Variants in ADARB1 observed in about 807,000 individuals in gnomAD.
ADARB1 encodes adenosine deaminase RNA specific B1.
Under a neutral mutation model 52.4 loss-of-function variants are expected in ADARB1, and 10 were observed. The ratio of observed to expected loss-of-function variants is 0.19; its 90% CI spans 0.12 to 0.32. The LOEUF is 0.32. Among genes scored for constraint, ADARB1 ranks in the 10% least tolerant of loss-of-function variants. The pLI is 1.00. For missense variants in ADARB1, 643 were observed against 922.3 expected (o/e 0.70, Z 3.92); for synonymous variants, 349 against 371.1 (o/e 0.94, Z 0.68).
rs1358590525 is a variant in ADARB1 at position 45,200,173 on chromosome 21, C to T, written c.1566-4382C>T. Among the ~76,000 whole-genome samples, 1 of 152,136 alleles carries T rather than the reference C, an allele frequency of 6.6e-6. No individual in the cohort carries two copies. On this transcript the variant is annotated intron_variant, in intron 8 of 10. Coordinates refer to ENST00000348831, the MANE Select transcript of ADARB1 (RefSeq NM_001112.4). This position sits in a 1 kb window ranked among gnomAD's most constrained non-coding sequence, Gnocchi z 5.0. ...GGCTGGGTGAGGCTGAACTGTTCCCCTTACACAGGACACAGTGACAGGCAG... is the reference window on the plus strand; with the variant it reads ...GGCTGGGTGAGGCTGAACTGTTCCCTTTACACAGGACACAGTGACAGGCAG...
intron 1 of ADARB1, among the ~76,000 whole-genome samples, chr21:45,080,232 A>T (rs1032838085): frequency 6.6e-6 from 1 of 152,136 alleles, no homozygotes; most frequent in Non-Finnish European, 1.5e-5. Flanking sequence ...TGGTGGCTGG[A>T]GGGGACATGG....
intron 5 of ADARB1, 65 bp downstream of exon 5, chr21:45,180,509 C>T: frequency 1.5e-6 from 2 of 1,359,196 alleles, no homozygotes; most frequent in South Asian, 1.2e-5. Context: ...GAAATGTTCT[C>T]AATCGACAAA....
chr21:45,193,766 G>A (rs542588017), intron 8 of ADARB1, among the ~76,000 whole-genome samples: 1 of 152,328 alleles, frequency 6.6e-6, no homozygotes, highest in Non-Finnish European at 1.5e-5. Flanking sequence ...AAATTGAAAT[G>A]TGTAAAGCAA....
intron 9 of ADARB1, among the ~76,000 whole-genome samples, chr21:45,218,723 C>G (rs968712040): frequency 6.6e-6 from 1 of 152,150 alleles, no homozygotes; most frequent in Non-Finnish European, 1.5e-5. Context: ...GATAAATGGT[C>G]ATTGAAAGCA....
In ADARB1 at chr21:45,172,970, C is replaced by T. The variant is rs2091547442; in HGVS notation, c.28+1286C>T. On this transcript the variant is annotated intron_variant, in intron 3 of 10. Transcript: ENST00000348831. This position sits in a 1 kb window ranked among gnomAD's most constrained non-coding sequence, Gnocchi z 4.4. Reference sequence around the variant, plus strand: ...TAAGAGAGAGGTTACGTCCATACTCCTCATTTGAGAAAATGTGACCTGTGC... The same window carrying T: ...TAAGAGAGAGGTTACGTCCATACTCTTCATTTGAGAAAATGTGACCTGTGC... 6.6e-6 allele frequency among the ~76,000 whole-genome samples: 1 copy of T among 152,220 alleles called. No homozygotes were observed. The highest frequency in any genetic ancestry group is 2.4e-5 in the African/African-American group (1 of 41,456).
At chr21:45,122,833 G>A (rs1347882950) in intron 1 of ADARB1, among the ~76,000 whole-genome samples, 1 of 152,188 alleles carries the variant, frequency 6.6e-6, no homozygotes, top group Non-Finnish European at 1.5e-5. Flanking sequence ...AGTCTCCTCA[G>A]TCTCTCTTTT....
In ADARB1 at chr21:45,182,532, G is replaced by A. The variant is rs1202933331; in HGVS notation, c.1079-53G>A. On this transcript the variant is annotated intron_variant, in intron 5 of 10. Coordinates refer to ENST00000348831, the MANE Select transcript of ADARB1 (RefSeq NM_001112.4). ...GAGTCAGACTTCAGGAGCACAGTTAGGCAAACATTACTGTGAATTACAGAA... is the reference window on the plus strand; with the variant it reads ...GAGTCAGACTTCAGGAGCACAGTTAAGCAAACATTACTGTGAATTACAGAA... 1.9e-6 allele frequency: 3 copies of A among 1,552,134 alleles called. No homozygotes were observed. The African/African-American group carries it at 4.2e-5, about 22-fold the overall frequency.
chr21:45,140,828 TAATA>T (rs2089682671), intron 2 of ADARB1, among the ~76,000 whole-genome samples: 1 of 152,156 alleles, frequency 6.6e-6, no homozygotes, highest in African/African-American at 2.4e-5. Flanking sequence ...AAATTTGATA[TAATA>T]AATTAAGTCT....
At chr21:45,192,810 G>T (rs1233396604) in intron 8 of ADARB1, among the ~76,000 whole-genome samples, 1 of 152,130 alleles carries the variant, frequency 6.6e-6, no homozygotes, top group Non-Finnish European at 1.5e-5. Context: ...TATAAACAAG[G>T]CTATGCCAAT....
rs369006379 is a variant in ADARB1, at chr21:45,131,636, C to T, written c.-48+3063C>T. Among the ~76,000 whole-genome samples the T allele has an allele frequency of 1.4e-4, 22 of 152,358 alleles. No homozygotes were observed. The South Asian group carries it at 2.1e-3, about 14-fold the overall frequency. On this transcript the variant is annotated intron_variant, in intron 2 of 10. Coordinates refer to ENST00000348831, the MANE Select transcript of ADARB1 (RefSeq NM_001112.4). ...CATCGCTGCCGCCTCCTGCTCTGTGCACAGTGTGGTGTGGCCGCCTGACCG... is the reference window on the plus strand; with the variant it reads ...CATCGCTGCCGCCTCCTGCTCTGTGTACAGTGTGGTGTGGCCGCCTGACCG...
rs574817833 is a variant in ADARB1 at position 45,097,552 on chromosome 21, G to A, written c.-220+22759G>A. On this transcript the variant is annotated intron_variant, in intron 1 of 10. Transcript: ENST00000348831. Reference sequence around the variant, plus strand: ...AACAGGTGGAGAGCAGACGCCGAGGGGCCGCTGTCCAGGCAGGAGTGATGG... The same window carrying A: ...AACAGGTGGAGAGCAGACGCCGAGGAGCCGCTGTCCAGGCAGGAGTGATGG... Among the ~76,000 whole-genome samples, 33 of 152,176 alleles carry A rather than the reference G, an allele frequency of 2.2e-4. No homozygotes were observed. The East Asian group carries it at 5.6e-3, about 26-fold the overall frequency.
intron 2 of ADARB1, among the ~76,000 whole-genome samples, chr21:45,166,775 C>A (rs1172565537): frequency 6.6e-6 from 1 of 152,180 alleles, no homozygotes; most frequent in African/African-American, 2.4e-5. Context: ...CAGTCAAGTT[C>A]AATGTTCTTC....
intron 2 of ADARB1, among the ~76,000 whole-genome samples, chr21:45,163,369 C>G (rs1324235311): frequency 6.6e-6 from 1 of 152,238 alleles, no homozygotes; most frequent in African/African-American, 2.4e-5. Flanking sequence ...CATCCACGTT[C>G]TTCCTCACAG....
At chr21:45,164,000 C>T (rs2146059009) in intron 2 of ADARB1, among the ~76,000 whole-genome samples, 1 of 152,304 alleles carries the variant, frequency 6.6e-6, no homozygotes, top group Admixed American at 6.5e-5. Context: ...AACTAGTGTA[C>T]ATTTGAACAC....
chr21:45,165,607 A>G (rs2091221875), intron 2 of ADARB1, among the ~76,000 whole-genome samples: 1 of 152,230 alleles, frequency 6.6e-6, no homozygotes, highest in Admixed American at 6.5e-5. Flanking sequence ...AGCAAAATAT[A>G]AATTATGAGG....
intron 3 of ADARB1, among the ~76,000 whole-genome samples, chr21:45,174,806 TATTA>T (rs1263943127): frequency 3.9e-5 from 6 of 152,246 alleles, no homozygotes; most frequent in Non-Finnish European, 7.3e-5. Context: ...AAATTGTCTG[TATTA>T]ATTCAAAATC....
chr21:45,123,411 C>T (rs1255035693), intron 1 of ADARB1, among the ~76,000 whole-genome samples: 4 of 152,188 alleles, frequency 2.6e-5, no homozygotes, highest in Admixed American at 2.0e-4. Context: ...ATAGGTGATC[C>T]TCCCACTGCA....
chr21:45,131,617 T>G (rs2088941606), intron 2 of ADARB1, among the ~76,000 whole-genome samples: 1 of 152,252 alleles, frequency 6.6e-6, no homozygotes. Context: ...CGGGCATCGC[T>G]GCCGCCTCCT....
In ADARB1 at chr21:45,104,531, A is replaced by G. The variant is rs118091522; in HGVS notation, c.-219-23871A>G. ...TACAAAGAATGAGGGACGAACCCAG[A>G]ACTGGAGGTGTTTCTCAAGAACAGA... On this transcript the variant is annotated intron_variant, in intron 1 of 10. Coordinates refer to ENST00000348831, the MANE Select transcript of ADARB1 (RefSeq NM_001112.4). Among the ~76,000 whole-genome samples the G allele has an allele frequency of 3.3e-4, 50 of 152,326 alleles. 2 individuals are homozygous for G. The East Asian group carries it at 9.6e-3, about 29-fold the overall frequency.
Sources: allele counts gnomAD v4.1 joint callset (sites outside exome capture counted in the v4.1 genomes callset), GRCh38; gene constraint gnomAD v4.1.1; non-coding constraint Gnocchi (gnomAD v3.1); transcripts MANE v1.5; gene names NCBI Gene and HGNC (gene_info 2026-07-23, HGNC 2026-07-21).